NFKBIL1: variants seen among roughly 807,000 people sequenced by gnomAD.
The protein encoded by NFKBIL1 is NF-kappa-B inhibitor-like protein 1.
In NFKBIL1, 30 loss-of-function variants were observed where a neutral mutation model predicts 45.4. The observed-to-expected ratio is 0.66, with a 90% CI of 0.49 to 0.90. The LOEUF (loss-of-function observed/expected upper bound fraction) is 0.90. Ranked by LOEUF, NFKBIL1 falls within the 40% of genes least tolerant of loss-of-function variation. NFKBIL1 has a pLI of 0.00. For missense variants in NFKBIL1, 434 were observed against 513.4 expected (o/e 0.85, Z 1.49); for synonymous variants, 179 against 197.3 (o/e 0.91, Z 0.78).
chr6:31,552,528 C>T (rs1466557528), intron 2 of NFKBIL1, among the ~76,000 whole-genome samples: 4 of 151,988 alleles, frequency 2.6e-5, no homozygotes, highest in South Asian at 2.1e-4. Context: ...ACCTTGTGAT[C>T]TGCTCACCTC....
intron 2 of NFKBIL1, chr6:31,556,839 A>G: frequency 6.8e-6 from 3 of 441,460 alleles, no homozygotes; most frequent in Non-Finnish European, 1.4e-5. Flanking sequence ...CAGTTTATTG[A>G]TAAGTGATAA....
At chr6:31,556,481 G>A (rs968934015) in intron 2 of NFKBIL1, among the ~76,000 whole-genome samples, 1 of 152,216 alleles carries the variant, frequency 6.6e-6, no homozygotes, top group Non-Finnish European at 1.5e-5. Flanking sequence ...TCCCCCAAGT[G>A]AAAGAGGTGG....
intron 1 of NFKBIL1, among the ~76,000 whole-genome samples, 190 bp downstream of exon 1, chr6:31,547,941 A>C (rs1023836714): frequency 6.6e-6 from 1 of 152,074 alleles, no homozygotes; most frequent in Non-Finnish European, 1.5e-5. Flanking sequence ...CGAATTTTAC[A>C]TTAAAAAAAT....
chr6:31,550,132 CAG>C (rs375145386), intron 2 of NFKBIL1, among the ~76,000 whole-genome samples: 166 of 151,108 alleles, frequency 1.1e-3, no homozygotes, highest in South Asian at 3.1e-3. Context: ...ACCCGGAAGA[CAG>C]AGGTTGTGGT....
At chr6:31,549,873 C>T (rs1769330567) in intron 2 of NFKBIL1, among the ~76,000 whole-genome samples, 1 of 152,046 alleles carries the variant, frequency 6.6e-6, no homozygotes, top group African/African-American at 2.4e-5. Flanking sequence ...ACCTTTGGCA[C>T]TGAAGGATTC....
intron 2 of NFKBIL1, among the ~76,000 whole-genome samples, chr6:31,552,605 T>C (rs987522241): frequency 4.6e-5 from 7 of 151,904 alleles, no homozygotes; most frequent in Admixed American, 1.3e-4. Context: ...TTTATGTTTA[T>C]TTTTCTTAGT....
At chr6:31,556,244 C>G (rs1166303936) in intron 2 of NFKBIL1, among the ~76,000 whole-genome samples, 1 of 151,974 alleles carries the variant, frequency 6.6e-6, no homozygotes, top group East Asian at 1.9e-4. Context: ...CCCACCAACC[C>G]TGATGTGATT....
chr6:31,548,297 G>A lies in NFKBIL1; in HGVS notation c.192G>A (p.Gly64=), dbSNP rs1350767109. Residue 64 remains glycine (G), a synonymous_variant, in exon 2 of 4, where the codon GGG becomes GGA. Coordinates refer to ENST00000376148, the MANE Select transcript of NFKBIL1 (RefSeq NM_005007.4). ...ACCCAGGCCTCGATGTAGATGCTGGGCAGCCCCCACCACTGCACCGGGCCT... is the reference window on the plus strand; with the variant it reads ...ACCCAGGCCTCGATGTAGATGCTGGACAGCCCCCACCACTGCACCGGGCCT... ...QRHPGLDVDA[G]QPPPLHRACA... 6.2e-7 allele frequency: 1 copy of A among 1,609,978 alleles called. No individual in the cohort carries two copies. Among genetic ancestry groups the A allele is most frequent in the Non-Finnish European group, 8.5e-7 (1 of 1,178,998 alleles).
At chr6:31,553,728 A>G (rs1182938881) in intron 2 of NFKBIL1, among the ~76,000 whole-genome samples, 6 of 152,054 alleles carry the variant, frequency 3.9e-5, no homozygotes, top group Non-Finnish European at 4.4e-5. Flanking sequence ...CAGTCGCGCA[A>G]TCTTGGCTCA....
rs1262733521 is a variant in NFKBIL1 at position 31,557,534 on chromosome 6, C to T, written c.335-94C>T. 84 of 1,021,706 alleles carry T rather than the reference C, an allele frequency of 8.2e-5. No homozygotes were observed. Among genetic ancestry groups the T allele is most frequent in the African/African-American group, 4.9e-5 (3 of 61,842 alleles). 63.3% of individuals were successfully genotyped at this position (1,021,706 alleles called of 1,614,324 possible). ...AGCCACCCTTCCATTGCTTTAAGAC[C>T]AAGGGAGCGAGTGACCAGCAGGATT... On this transcript the variant is annotated intron_variant, in intron 2 of 3. Coordinates refer to ENST00000376148, the MANE Select transcript of NFKBIL1 (RefSeq NM_005007.4). This position sits in a 1 kb window ranked among gnomAD's most constrained non-coding sequence, Gnocchi z 5.4.
chr6:31,558,821 C>T lies in NFKBIL1; in HGVS notation c.*210C>T. ...GCCGTTTCCTAATAAGACCTGGTTC[C>T]ACATCTCACTCCCAGTGTCTCCTCT... is the stretch of plus-strand genomic sequence containing the variant. On this transcript the variant is annotated 3_prime_UTR_variant, in exon 4 of 4. Coordinates refer to ENST00000376148, the MANE Select transcript of NFKBIL1 (RefSeq NM_005007.4). The surrounding 1 kb of genome is among the most constrained non-coding windows in gnomAD (Gnocchi z 7.2). 1.9e-6 allele frequency: 1 copy of T among 535,400 alleles called. No homozygotes were observed. The highest frequency in any genetic ancestry group is 2.8e-5 in the East Asian group (1 of 35,126). 33.2% of individuals were successfully genotyped at this position (535,400 alleles called of 1,614,324 possible).
intron 2 of NFKBIL1, among the ~76,000 whole-genome samples, chr6:31,550,200 CA>C (rs34859965): frequency 0.054 from 6,563 of 122,628 alleles, 230 homozygotes; most frequent in South Asian, 0.18. Context: ...GACTCCGTCT[CA>C]AAAAAAAAAA....
chr6:31,557,520 C>A lies in NFKBIL1; in HGVS notation c.335-108C>A. The A allele has an allele frequency of 1.3e-6, 1 of 796,608 alleles. No individual in the cohort carries two copies. The highest frequency in any genetic ancestry group is 1.9e-6 in the Non-Finnish European group (1 of 531,880). 49.3% of individuals were successfully genotyped at this position (796,608 alleles called of 1,614,324 possible). Reference sequence around the variant, plus strand: ...GAGGCATCCATGTGAGCCACCCTTCCATTGCTTTAAGACCAAGGGAGCGAG... The same window carrying A: ...GAGGCATCCATGTGAGCCACCCTTCAATTGCTTTAAGACCAAGGGAGCGAG... On this transcript the variant is annotated intron_variant, in intron 2 of 3. Transcript: ENST00000376148. This position sits in a 1 kb window ranked among gnomAD's most constrained non-coding sequence, Gnocchi z 5.4.
chr6:31,548,811 G>A (rs1185863091), intron 2 of NFKBIL1, among the ~76,000 whole-genome samples: 2 of 152,136 alleles, frequency 1.3e-5, no homozygotes, highest in Non-Finnish European at 2.9e-5. Context: ...ACGTATTCTT[G>A]GACAGGTTAC....
rs201207957 is a variant in NFKBIL1 at position 31,558,798 on chromosome 6, C to T, written c.*187C>T. The T allele has an allele frequency of 2.2e-5, 12 of 553,028 alleles. No homozygotes were observed. The highest frequency in any genetic ancestry group is 1.0e-4 in the South Asian group (4 of 39,792). 34.3% of individuals were successfully genotyped at this position (553,028 alleles called of 1,614,324 possible). Reference sequence around the variant, plus strand: ...CGCCACCACTGCTCCTTGACTCTGCCGTTTCCTAATAAGACCTGGTTCCAC... The same window carrying T: ...CGCCACCACTGCTCCTTGACTCTGCTGTTTCCTAATAAGACCTGGTTCCAC... On this transcript the variant is annotated 3_prime_UTR_variant, in exon 4 of 4. Coordinates refer to ENST00000376148, the MANE Select transcript of NFKBIL1 (RefSeq NM_005007.4). This position sits in a 1 kb window ranked among gnomAD's most constrained non-coding sequence, Gnocchi z 7.2.
intron 2 of NFKBIL1, among the ~76,000 whole-genome samples, chr6:31,554,630 C>T (rs1301860814): frequency 6.6e-6 from 1 of 152,114 alleles, no homozygotes; most frequent in African/African-American, 2.4e-5. Flanking sequence ...ATCTATCCAA[C>T]TGGCAAAATT....
intron 2 of NFKBIL1, among the ~76,000 whole-genome samples, chr6:31,555,676 C>A (rs1235310869): frequency 7.6e-6 from 1 of 131,548 alleles, no homozygotes; most frequent in East Asian, 2.2e-4. Flanking sequence ...AATGCAGAGG[C>A]GCGATCTCGG....
chr6:31,547,766 A>G lies in NFKBIL1; in HGVS notation c.57+15A>G, dbSNP rs779674040. Reference sequence around the variant, plus strand: ...CTGTCTGCCGGGTACATGATATTCAATTTCTAGATCATTATTGGAGATTAT... The same window carrying G: ...CTGTCTGCCGGGTACATGATATTCAGTTTCTAGATCATTATTGGAGATTAT... On this transcript the variant is annotated intron_variant, in intron 1 of 3. Coordinates refer to ENST00000376148, the MANE Select transcript of NFKBIL1 (RefSeq NM_005007.4). 2.5e-6 allele frequency: 4 copies of G among 1,596,450 alleles called. No homozygotes were observed. Among genetic ancestry groups the G allele is most frequent in the East Asian group, 2.2e-5 (1 of 44,722 alleles).
chr6:31,552,163 C>T (rs542207582), intron 2 of NFKBIL1, among the ~76,000 whole-genome samples: 2 of 152,320 alleles, frequency 1.3e-5, no homozygotes, highest in South Asian at 2.1e-4. Context: ...AAACTCCTGA[C>T]CTCAAGTGAT....
Sources: allele counts gnomAD v4.1 joint callset (sites outside exome capture counted in the v4.1 genomes callset), GRCh38; gene constraint gnomAD v4.1.1; non-coding constraint Gnocchi (gnomAD v3.1); transcripts MANE v1.5; gene names NCBI Gene and HGNC (gene_info 2026-07-23, HGNC 2026-07-21).